AKIRIN2: variants seen among roughly 807,000 people sequenced by gnomAD.
AKIRIN2 encodes the protein akirin 2.
In AKIRIN2, 6 loss-of-function variants were observed where a neutral mutation model predicts 29.3. The ratio of observed to expected loss-of-function variants is 0.20; its 90% confidence interval spans 0.11 to 0.40. AKIRIN2 has a LOEUF of 0.40. Among genes scored for constraint, AKIRIN2 ranks in the 10% least tolerant of loss-of-function variants. The pLI, the probability that AKIRIN2 is intolerant of heterozygous loss-of-function variation, is 1.00. For missense variants in AKIRIN2, 210 were observed against 276.1 expected (o/e 0.76, Z 1.70); for synonymous variants, 128 against 117.5 (o/e 1.09, Z -0.58).
At chr6:87,691,895 G>C (rs1433970443) in intron 1 of AKIRIN2, among the ~76,000 whole-genome samples, 1 of 152,186 alleles carries the variant, frequency 6.6e-6, no homozygotes, top group Non-Finnish European at 1.5e-5. Context: ...ATTTGATTTT[G>C]AAGTGGAGGA....
At chr6:87,676,673 A>G (rs550734112) in intron 3 of AKIRIN2, among the ~76,000 whole-genome samples, 1 of 150,452 alleles carries the variant, frequency 6.6e-6, no homozygotes, top group African/African-American at 2.5e-5. Flanking sequence ...CCAGCTACTC[A>G]GGAGGTTAAG....
At chr6:87,688,420 C>T (rs1446378698) in intron 1 of AKIRIN2, among the ~76,000 whole-genome samples, 1 of 151,642 alleles carries the variant, frequency 6.6e-6, no homozygotes, top group South Asian at 2.1e-4. Flanking sequence ...GCTGATCCAT[C>T]GTGCCTGGCA....
At chr6:87,691,531 G>C (rs1475085169) in intron 1 of AKIRIN2, among the ~76,000 whole-genome samples, 1 of 146,088 alleles carries the variant, frequency 6.8e-6, no homozygotes, top group Non-Finnish European at 1.5e-5. Context: ...ACAAATTAAA[G>C]AGACATCTGT....
At chr6:87,690,829 C>T (rs1276722550) in intron 1 of AKIRIN2, among the ~76,000 whole-genome samples, 1 of 151,716 alleles carries the variant, frequency 6.6e-6, no homozygotes, top group Non-Finnish European at 1.5e-5. Context: ...AAAAGTTAAA[C>T]GGGCATAATG....
At chr6:87,677,536 A>C (rs1771040042) in intron 3 of AKIRIN2, among the ~76,000 whole-genome samples, 1 of 152,216 alleles carries the variant, frequency 6.6e-6, no homozygotes, top group East Asian at 1.9e-4. Flanking sequence ...TATAAAGTCA[A>C]AAAATCCACA....
chr6:87,681,184 C>T (rs960521829), intron 2 of AKIRIN2, among the ~76,000 whole-genome samples: 17 of 152,074 alleles, frequency 1.1e-4, no homozygotes, highest in East Asian at 7.7e-4. Flanking sequence ...ACTACAGGCG[C>T]GTGCCACCAC....
intron 1 of AKIRIN2, among the ~76,000 whole-genome samples, chr6:87,697,629 C>T (rs77112222): frequency 0.031 from 4,764 of 152,272 alleles, 250 homozygotes; most frequent in African/African-American, 0.11. Context: ...CTCATTTGTT[C>T]GCCTAGAACC....
chr6:87,699,760 G>A (rs1771427733), intron 1 of AKIRIN2, among the ~76,000 whole-genome samples: 1 of 152,150 alleles, frequency 6.6e-6, no homozygotes, highest in Non-Finnish European at 1.5e-5. Flanking sequence ...TGCTTTAAAG[G>A]GGAGGAACAT....
rs1304373532 is a variant in AKIRIN2 at position 87,702,214 on chromosome 6, C to T, written c.-530G>A. On this transcript the variant is annotated 5_prime_UTR_variant, in exon 1 of 5. Transcript: ENST00000257787. The stretch of plus-strand genomic sequence containing the variant: ...CCCAAGCGAACACGTCCAACCGCTT[C>T]CCCTCCCTCGTAGAACTCTCCCACC... 2 of 397,470 alleles carry T rather than the reference C, an allele frequency of 5.0e-6. No individual in the cohort carries two copies. Among genetic ancestry groups the T allele is most frequent in the African/African-American group, 4.1e-5 (2 of 48,612 alleles). The allele number at this position is 397,470 out of a possible 1,614,324, so 24.6% of individuals were successfully genotyped here.
chr6:87,690,568 T>C (rs763278858), intron 1 of AKIRIN2, among the ~76,000 whole-genome samples: 4 of 152,342 alleles, frequency 2.6e-5, no homozygotes, highest in Middle Eastern at 3.4e-3. Context: ...GATTATTTCA[T>C]CTCTCCTTAT....
chr6:87,681,373 A>G (rs1209526286), intron 2 of AKIRIN2, among the ~76,000 whole-genome samples: 1 of 152,170 alleles, frequency 6.6e-6, no homozygotes, highest in Non-Finnish European at 1.5e-5. Context: ...AAGGCTACAA[A>G]TCATAGTACT....
intron 1 of AKIRIN2, chr6:87,700,567 A>G (rs534288274): frequency 2.1e-4 from 32 of 152,340 alleles, no homozygotes; most frequent in African/African-American, 7.7e-4. Flanking sequence ...GCCAAAAGAC[A>G]TTCCCCAGTC....
intron 1 of AKIRIN2, among the ~76,000 whole-genome samples, chr6:87,686,181 C>T (rs1771182810): frequency 6.6e-6 from 1 of 152,032 alleles, no homozygotes; most frequent in South Asian, 2.1e-4. Context: ...TGCCACTGCA[C>T]TGCAGCTTGG....
At chr6:87,684,619 A>G (rs781562808) in intron 1 of AKIRIN2, among the ~76,000 whole-genome samples, 5 of 152,246 alleles carry the variant, frequency 3.3e-5, no homozygotes, top group Non-Finnish European at 5.9e-5. Flanking sequence ...TCACATAAAT[A>G]GAATCATAAA....
chr6:87,684,542 C>T (rs1383936018), intron 1 of AKIRIN2, among the ~76,000 whole-genome samples: 1 of 152,182 alleles, frequency 6.6e-6, no homozygotes, highest in Non-Finnish European at 1.5e-5. Flanking sequence ...ACCAATATCA[C>T]CACTCCCCCA....
At position 87,702,196 on chromosome 6, in the gene AKIRIN2, G is replaced by A. The variant is rs1365883726; in HGVS notation, c.-512C>T. The A allele has an allele frequency of 1.3e-5, 5 of 398,032 alleles. No homozygotes were observed. The highest frequency in any genetic ancestry group is 2.2e-5 in the Non-Finnish European group (5 of 225,860). 24.7% of individuals were successfully genotyped at this position (398,032 alleles called of 1,614,324 possible). The stretch of plus-strand genomic sequence containing the variant: ...TAGCTGCCGCAGCAGGAACCCAAGC[G>A]AACACGTCCAACCGCTTCCCCTCCC... On this transcript the variant is annotated 5_prime_UTR_variant, in exon 1 of 5. Coordinates refer to ENST00000257787, the MANE Select transcript of AKIRIN2 (RefSeq NM_018064.4).
chr6:87,691,440 TAAAAAA>T (rs34981397), intron 1 of AKIRIN2, among the ~76,000 whole-genome samples: 2 of 84,830 alleles, frequency 2.4e-5, no homozygotes, highest in Non-Finnish European at 2.3e-5. Flanking sequence ...AACCTCATCT[TAAAAAA>T]AAAAAAAAAA....
chr6:87,675,839 C>T, intron 4 of AKIRIN2, 21 bp downstream of exon 4: 1 of 1,606,042 alleles, frequency 6.2e-7, no homozygotes, highest in Non-Finnish European at 8.5e-7. Flanking sequence ...CAGTTTATAA[C>T]TTCAAAGGTG....
chr6:87,687,340 C>G (rs567936219), intron 1 of AKIRIN2, among the ~76,000 whole-genome samples: 1 of 149,590 alleles, frequency 6.7e-6, no homozygotes, highest in Non-Finnish European at 1.5e-5. Context: ...GTTGGGAGTT[C>G]GAGACCAGCC....
Sources: allele counts gnomAD v4.1 joint callset (sites outside exome capture counted in the v4.1 genomes callset), GRCh38; gene constraint gnomAD v4.1.1; transcripts MANE v1.5; gene names NCBI Gene and HGNC (gene_info 2026-07-23, HGNC 2026-07-21).